Variants in SIPA1L1 observed in about 807,000 individuals in gnomAD.
SIPA1L1 encodes signal-induced proliferation-associated 1-like protein 1.
A neutral mutation model predicts 162.7 loss-of-function variants in SIPA1L1; 26 were observed. That is an observed-to-expected ratio of 0.16 (90% confidence interval 0.12 to 0.22). SIPA1L1 has a LOEUF of 0.22. Among genes scored for constraint, SIPA1L1 ranks in the 10% least tolerant of loss-of-function variants. The pLI, the probability that SIPA1L1 is intolerant of heterozygous loss-of-function variation, is 1.00. For missense variants in SIPA1L1, 1,874 were observed against 2,241.0 expected (o/e 0.84, Z 3.31); for synonymous variants, 829 against 837.4 (o/e 0.99, Z 0.17).
At chr14:71,679,661 C>T (rs187352704) in intron 12 of SIPA1L1, among the ~76,000 whole-genome samples, 209 of 152,252 alleles carry the variant, frequency 1.4e-3, no homozygotes, top group Non-Finnish European at 2.5e-3. Context: ...AGTCAAGACC[C>T]ATCAGTGTGC....
At chr14:71,483,532 A>G (rs2048506695) in intron 2 of SIPA1L1, among the ~76,000 whole-genome samples, 1 of 152,250 alleles carries the variant, frequency 6.6e-6, no homozygotes, top group African/African-American at 2.4e-5. Context: ...TGCAGAAATC[A>G]AGAGAGGCCC....
At chr14:71,422,102 AT>A (rs2043227953) in intron 2 of SIPA1L1, among the ~76,000 whole-genome samples, 1 of 152,186 alleles carries the variant, frequency 6.6e-6, no homozygotes, top group Non-Finnish European at 1.5e-5. Flanking sequence ...TCTTTCAGTT[AT>A]TGCCAAACTT....
intron 2 of SIPA1L1, among the ~76,000 whole-genome samples, chr14:71,482,528 A>C (rs1046969735): frequency 6.6e-5 from 10 of 152,086 alleles, no homozygotes; most frequent in African/African-American, 2.4e-4. Context: ...TTTTGTTGCC[A>C]CTCTTTCCCT....
chr14:71,323,592 C>T (rs1200216434), intron 2 of SIPA1L1, among the ~76,000 whole-genome samples: 2 of 152,180 alleles, frequency 1.3e-5, no homozygotes, highest in Non-Finnish European at 2.9e-5. Flanking sequence ...CAAATAGACT[C>T]ATTCCCATAA....
At chr14:71,638,054 T>C (rs2041341843) in intron 7 of SIPA1L1, among the ~76,000 whole-genome samples, 1 of 152,140 alleles carries the variant, frequency 6.6e-6, no homozygotes, top group Non-Finnish European at 1.5e-5. Flanking sequence ...TTGAAAAAAA[T>C]TGAATTCATA....
At chr14:71,414,407 A>AACAAAG (rs1318155280) in intron 2 of SIPA1L1, among the ~76,000 whole-genome samples, 4 of 152,096 alleles carry the variant, frequency 2.6e-5, no homozygotes, top group Admixed American at 2.0e-4. Flanking sequence ...CAAAAACAAA[A>AACAAAG]ACAAAAAACC....
chr14:71,667,504 C>A (rs2044129398), intron 10 of SIPA1L1, among the ~76,000 whole-genome samples: 1 of 152,124 alleles, frequency 6.6e-6, no homozygotes, highest in Non-Finnish European at 1.5e-5. Flanking sequence ...ACTGGTGGAT[C>A]AATACTATTA....
chr14:71,505,802 G>A (rs553585868), intron 2 of SIPA1L1, among the ~76,000 whole-genome samples: 3 of 151,856 alleles, frequency 2.0e-5, no homozygotes, highest in Admixed American at 1.3e-4. Context: ...TTGATGTTTC[G>A]GTGTACACAA....
At chr14:71,487,072 C>A (rs780787423) in intron 2 of SIPA1L1, among the ~76,000 whole-genome samples, 5 of 152,174 alleles carry the variant, frequency 3.3e-5, no homozygotes, top group Non-Finnish European at 7.3e-5. Context: ...GCACGGTGGT[C>A]TTTCTTCCCT....
At chr14:71,555,421 G>C (rs1314737301) in intron 4 of SIPA1L1, among the ~76,000 whole-genome samples, 1 of 152,104 alleles carries the variant, frequency 6.6e-6, no homozygotes, top group African/African-American at 2.4e-5. Flanking sequence ...AGAGAGTTAG[G>C]GCCTTGCTCT....
intron 17 of SIPA1L1, among the ~76,000 whole-genome samples, chr14:71,711,347 C>A (rs188668711): frequency 6.6e-6 from 1 of 152,222 alleles, no homozygotes; most frequent in Non-Finnish European, 1.5e-5. Flanking sequence ...CACTCGCTGG[C>A]TGTTCTTGGC....
intron 4 of SIPA1L1, among the ~76,000 whole-genome samples, chr14:71,544,235 T>C (rs780647898): frequency 3.4e-5 from 5 of 147,432 alleles, no homozygotes; most frequent in African/African-American, 4.9e-5. Context: ...ATATATCATG[T>C]ATGTATACAC....
chr14:71,428,049 G>A (rs994699021), intron 2 of SIPA1L1, among the ~76,000 whole-genome samples: 4 of 151,700 alleles, frequency 2.6e-5, no homozygotes, highest in Admixed American at 6.6e-5. Flanking sequence ...ATGGAGTGCG[G>A]TGGTGTGATC....
At chr14:71,387,482 A>G (rs930600634) in intron 2 of SIPA1L1, among the ~76,000 whole-genome samples, 1 of 152,160 alleles carries the variant, frequency 6.6e-6, no homozygotes, top group Non-Finnish European at 1.5e-5. Context: ...TAAAGGTCAC[A>G]TCTTAAAGTT....
intron 17 of SIPA1L1, among the ~76,000 whole-genome samples, chr14:71,716,701 G>GTCC (rs2083295575): frequency 1.3e-5 from 2 of 152,144 alleles, no homozygotes; most frequent in African/African-American, 4.8e-5. Context: ...ATAGATGTAG[G>GTCC]TCCTCCTTAA....
chr14:71,605,778 T>C (rs1251926232), intron 5 of SIPA1L1, among the ~76,000 whole-genome samples: 1 of 152,084 alleles, frequency 6.6e-6, no homozygotes, highest in African/African-American at 2.4e-5. Context: ...ACTGAGTCTG[T>C]GTGTGTCTGG....
chr14:71,588,109 G>A lies in SIPA1L1; in HGVS notation c.237G>A (p.Arg79=). The A allele has an allele frequency of 6.2e-7, 1 of 1,614,168 alleles. No homozygotes were observed. Among genetic ancestry groups the A allele is most frequent in the Non-Finnish European group, 8.5e-7 (1 of 1,180,008 alleles). The change falls in exon 5 of 24, where the codon AGG becomes AGA. Residue 79 remains arginine, a synonymous_variant. Transcript: ENST00000381232. This position sits in a 1 kb window ranked among gnomAD's most constrained non-coding sequence, Gnocchi z 4.3. ...TCCCAAAAATGGGGGTAAGGGCAAG[G>A]ATTGCAGATTGGCCCCCAAGAAAGG... is the stretch of plus-strand genomic sequence containing the variant. ...PGVPKMGVRA[R]IADWPPRKEN... is the part of the protein sequence containing the mutation.
At chr14:71,703,131 T>C (rs1391886160) in intron 15 of SIPA1L1, among the ~76,000 whole-genome samples, 1 of 152,172 alleles carries the variant, frequency 6.6e-6, no homozygotes, top group Non-Finnish European at 1.5e-5. Flanking sequence ...GTTGATACAA[T>C]AACATTTTGC....
At chr14:71,481,967 G>T (rs1289532577) in intron 2 of SIPA1L1, among the ~76,000 whole-genome samples, 1 of 152,168 alleles carries the variant, frequency 6.6e-6, no homozygotes, top group Non-Finnish European at 1.5e-5. Flanking sequence ...ATGGTAACTG[G>T]TATTTTTATG....
Sources: gnomAD v4.1 joint callset for allele counts (sites outside exome capture counted in the v4.1 genomes callset) on GRCh38, gnomAD v4.1.1 for gene constraint, Gnocchi (gnomAD v3.1) non-coding constraint, MANE v1.5 for transcripts, NCBI Gene and HGNC (gene_info 2026-07-23, HGNC 2026-07-21) for gene names.